The following ADAMTSL1 variants were observed in gnomAD, a reference collection of about 807,000 sequenced individuals.
The protein encoded by ADAMTSL1 is ADAMTS like 1.
A neutral mutation model predicts 201.8 loss-of-function variants in ADAMTSL1; 126 were observed. The ratio of observed to expected loss-of-function variants is 0.62; its 90% confidence interval spans 0.54 to 0.72. The LOEUF (loss-of-function observed/expected upper bound fraction) is 0.72. Among genes scored for constraint, ADAMTSL1 ranks in the 30% least tolerant of loss-of-function variants. ADAMTSL1 has a pLI of 0.00. For synonymous variants in ADAMTSL1, 1,121 were observed against 903.4 expected, an observed-to-expected ratio of 1.24 and a Z score of -4.32; for missense variants, 2,679 against 2,277.8, an observed-to-expected ratio of 1.18 and a Z score of -3.59.
rs888087509 is a variant in ADAMTSL1 at position 18,517,649 on chromosome 9, A to G, written c.191+12693A>G. 2.0e-5 allele frequency among the ~76,000 whole-genome samples: 3 copies of G among 147,094 alleles called. No homozygotes were observed. In the Admixed American group the frequency reaches 2.2e-4, roughly 11 times the overall value. ...TGATCTCATTGTTCAATTCCCACCT[A>G]TGAGTGAGATTATGCAGTGTTTGGT... is the stretch of plus-strand genomic sequence containing the variant. On this transcript the variant is annotated intron_variant, in intron 2 of 28. Transcript: ENST00000380548.
intron 2 of ADAMTSL1, among the ~76,000 whole-genome samples, chr9:18,522,252 A>G (rs1587447892): frequency 6.6e-6 from 1 of 152,140 alleles, no homozygotes; most frequent in Non-Finnish European, 1.5e-5. Context: ...CATGCAGTAT[A>G]CCCGTGTAAC....
At chr9:18,180,796 A>T (rs1828433103) in intron 2 of ADAMTSL1, among the ~76,000 whole-genome samples, 2 of 152,172 alleles carry the variant, frequency 1.3e-5, no homozygotes, top group South Asian at 4.1e-4. Context: ...TTTAAACTTC[A>T]TATGGAACCA....
intron 9 of ADAMTSL1, among the ~76,000 whole-genome samples, chr9:18,663,376 A>T (rs1301116710): frequency 6.6e-6 from 1 of 152,172 alleles, no homozygotes; most frequent in Admixed American, 6.5e-5. Flanking sequence ...TCAGAAAATT[A>T]TATATTAAAA....
At chr9:18,387,327 A>G (rs527974143) in intron 2 of ADAMTSL1, among the ~76,000 whole-genome samples, 170 of 152,072 alleles carry the variant, frequency 1.1e-3, no homozygotes, top group Non-Finnish European at 9.9e-4. Context: ...ACATATAGTA[A>G]TGATACCATG....
chr9:18,569,858 G>C (rs543108497), intron 3 of ADAMTSL1, among the ~76,000 whole-genome samples: 10 of 151,912 alleles, frequency 6.6e-5, no homozygotes, highest in Non-Finnish European at 7.4e-5. Context: ...CTTACCACTA[G>C]GATATGATGA....
At chr9:18,581,521 T>G (rs924165200) in intron 4 of ADAMTSL1, among the ~76,000 whole-genome samples, 1 of 152,192 alleles carries the variant, frequency 6.6e-6, no homozygotes, top group African/African-American at 2.4e-5. Flanking sequence ...CAGAGTCAAC[T>G]GTAACTCTAA....
intron 4 of ADAMTSL1, among the ~76,000 whole-genome samples, chr9:18,595,054 G>T (rs1824172985): frequency 6.6e-6 from 1 of 152,100 alleles, no homozygotes; most frequent in African/African-American, 2.4e-5. Flanking sequence ...GCCCTATCTT[G>T]CCCACAAGTC....
intron 1 of ADAMTSL1, among the ~76,000 whole-genome samples, chr9:17,940,413 A>C (rs181066256): frequency 6.6e-6 from 1 of 152,118 alleles, no homozygotes; most frequent in African/African-American, 2.4e-5. Flanking sequence ...ATTGAATTCA[A>C]TGGCCAAGTA....
At chr9:18,158,205 C>A (rs183749007) in intron 1 of ADAMTSL1, among the ~76,000 whole-genome samples, 5 of 151,924 alleles carry the variant, frequency 3.3e-5, no homozygotes, top group Admixed American at 3.3e-4. Flanking sequence ...GCTGATTGAG[C>A]CTCTTCTGAT....
intron 4 of ADAMTSL1, among the ~76,000 whole-genome samples, chr9:18,580,658 AATTG>A (rs1221338491): frequency 1.3e-5 from 2 of 152,318 alleles, no homozygotes; most frequent in East Asian, 1.9e-4. Context: ...GAGGATATAA[AATTG>A]ATTAAGATCT....
At chr9:17,984,324 A>C (rs1361309969) in intron 1 of ADAMTSL1, among the ~76,000 whole-genome samples, 3 of 152,056 alleles carry the variant, frequency 2.0e-5, no homozygotes, top group Admixed American at 6.6e-5. Context: ...CCCAATGACT[A>C]GCTGGCTGAC....
At chr9:18,474,946 G>T (rs1388486535) in intron 1 of ADAMTSL1, among the ~76,000 whole-genome samples, 1 of 152,218 alleles carries the variant, frequency 6.6e-6, no homozygotes, top group Non-Finnish European at 1.5e-5. Context: ...CAGTCATAGT[G>T]ATAAGATGCT....
In ADAMTSL1 at chr9:18,142,191, C is replaced by T. The variant is rs1042377368; in HGVS notation, c.88-21671C>T. ...TGCGGTATCTTCTACCATCAAGTTA[C>T]AGAATGAGTCTGGAGAGAACAGCTG... is the stretch of plus-strand genomic sequence containing the variant. On this transcript the variant is annotated intron_variant, in intron 1 of 29. Coordinates refer to the ADAMTSL1 transcript ENST00000680146. Among the ~76,000 whole-genome samples the T allele has an allele frequency of 2.0e-5, 3 of 152,214 alleles. No individual in the cohort carries two copies. In the East Asian group the frequency reaches 5.8e-4, roughly 29 times the overall value.
chr9:17,976,996 C>A (rs1377899580), intron 1 of ADAMTSL1, among the ~76,000 whole-genome samples: 1 of 151,890 alleles, frequency 6.6e-6, no homozygotes, highest in Admixed American at 6.6e-5. Flanking sequence ...GGTTGAGGCA[C>A]ATTCTTTCTA....
At chr9:17,933,456 C>G (rs1490945899) in intron 1 of ADAMTSL1, among the ~76,000 whole-genome samples, 1 of 152,132 alleles carries the variant, frequency 6.6e-6, no homozygotes, top group East Asian at 1.9e-4. Flanking sequence ...TCTCATCAGT[C>G]TACCACACCC....
chr9:18,559,918 T>C (rs1821365398), intron 3 of ADAMTSL1, among the ~76,000 whole-genome samples: 1 of 152,324 alleles, frequency 6.6e-6, no homozygotes, highest in Middle Eastern at 3.4e-3. Flanking sequence ...TCTGAGACAG[T>C]GGGGTTTTCT....
intron 16 of ADAMTSL1, among the ~76,000 whole-genome samples, chr9:18,761,810 G>T (rs1457480833): frequency 1.3e-5 from 2 of 152,132 alleles, no homozygotes; most frequent in African/African-American, 4.8e-5. Flanking sequence ...ACACACTGAA[G>T]AAAATTTGAG....
intron 2 of ADAMTSL1, among the ~76,000 whole-genome samples, chr9:18,182,131 C>A (rs1321437284): frequency 9.4e-6 from 1 of 106,158 alleles, no homozygotes; most frequent in African/African-American, 3.8e-5. Flanking sequence ...CACTCTGGGG[C>A]CTGTTGTGGT....
intron 2 of ADAMTSL1, among the ~76,000 whole-genome samples, chr9:18,228,779 T>G (rs942909682): frequency 1.3e-5 from 2 of 152,054 alleles, no homozygotes; most frequent in Non-Finnish European, 1.5e-5. Flanking sequence ...TTTAATTTCC[T>G]GAAACGTGTG....
Sources: gnomAD v4.1 joint callset for allele counts (sites outside exome capture counted in the v4.1 genomes callset) on GRCh38, gnomAD v4.1.1 for gene constraint, MANE v1.5 for transcripts, NCBI Gene and HGNC (gene_info 2026-07-23, HGNC 2026-07-21) for gene names.